Variants in EPB41 observed in about 807,000 individuals in gnomAD.
EPB41 encodes protein 4.1.
Under a neutral mutation model 108.0 loss-of-function variants are expected in EPB41, and 65 were observed. The ratio of observed to expected loss-of-function variants is 0.60; its 90% confidence interval spans 0.49 to 0.74. The LOEUF (loss-of-function observed/expected upper bound fraction) is 0.74, where lower values mean the gene tolerates loss of function less well. Ranked by LOEUF, EPB41 falls within the 30% of genes least tolerant of loss-of-function variation. The pLI is 0.00. For synonymous variants in EPB41, 336 were observed against 358.9 expected (o/e 0.94, Z 0.72); for missense variants, 875 against 1,037.0 (o/e 0.84, Z 2.15).
chr1:29,102,450 CG>C (rs1001134166), intron 17 of EPB41, among the ~76,000 whole-genome samples: 18 of 152,042 alleles, frequency 1.2e-4, no homozygotes, highest in African/African-American at 4.3e-4. Context: ...ACAACCAAAA[CG>C]TATAGTGGCC....
chr1:28,890,990 C>T lies in EPB41; in HGVS notation c.-8+3780C>T, dbSNP rs183165081. 24 of 985,454 alleles carry T rather than the reference C, an allele frequency of 2.4e-5. No individual in the cohort carries two copies. In the Middle Eastern group the frequency reaches 1.6e-3, roughly 64 times the overall value. The allele number at this position is 985,454 out of a possible 1,614,324, so 61.0% of individuals were successfully genotyped here. A position where few individuals can be genotyped will look rare whatever the true frequency, so the allele number is the denominator to read the frequency against. The stretch of plus-strand genomic sequence containing the variant: ...AACTGGGGAACAAGCTGTGCTGCCT[C>T]TGTTGGGTGGCCCCTGGGGCCAGCA... On this transcript the variant is annotated intron_variant, in intron 1 of 16. Transcript: ENST00000347529.
Position 29,120,041 on chromosome 1 carries a change from A to T in EPB41, c.*3229A>T, listed in dbSNP as rs1671657865. On this transcript the variant is annotated 3_prime_UTR_variant, in exon 21 of 21. Coordinates refer to ENST00000343067, the MANE Select transcript of EPB41 (RefSeq NM_001376013.1). ...TTTTCAATAAACAACAACAAAAAGAACTCTCTCTGTGAGGATTGATCCACT... is the reference window on the plus strand; with the variant it reads ...TTTTCAATAAACAACAACAAAAAGATCTCTCTCTGTGAGGATTGATCCACT... 1 of 152,388 alleles carries T rather than the reference A, an allele frequency of 6.6e-6. No individual in the cohort carries two copies. The highest frequency in any genetic ancestry group is 1.5e-5 in the Non-Finnish European group (1 of 67,990). 9.4% of individuals were successfully genotyped at this position (152,388 alleles called of 1,614,324 possible).
chr1:29,082,674 C>G (rs1290437499), intron 16 of EPB41, among the ~76,000 whole-genome samples: 3 of 152,134 alleles, frequency 2.0e-5, no homozygotes, highest in Non-Finnish European at 4.4e-5. Flanking sequence ...CTTAGTATAA[C>G]CTTTAATATT....
intron 1 of EPB41, among the ~76,000 whole-genome samples, chr1:28,956,167 C>G (rs1169606708): frequency 6.6e-6 from 1 of 152,214 alleles, no homozygotes; most frequent in African/African-American, 2.4e-5. Context: ...TGAAGTCTTG[C>G]ATGTGTAAAA....
intron 1 of EPB41, among the ~76,000 whole-genome samples, chr1:28,907,029 C>T (rs1444746592): frequency 6.6e-6 from 1 of 151,562 alleles, no homozygotes; most frequent in East Asian, 1.9e-4. Flanking sequence ...CCTCTGCCTC[C>T]CAAAGTGCTG....
intron 17 of EPB41, among the ~76,000 whole-genome samples, chr1:29,108,273 C>T (rs1437511818): frequency 1.3e-5 from 2 of 151,168 alleles, no homozygotes; most frequent in Admixed American, 6.6e-5. Flanking sequence ...CTTAGACTCC[C>T]GAGTAGCTGG....
At chr1:28,975,961 AG>A (rs2095598887) in intron 1 of EPB41, among the ~76,000 whole-genome samples, 1 of 144,106 alleles carries the variant, frequency 6.9e-6, no homozygotes, top group South Asian at 2.3e-4. Flanking sequence ...AAAAAAAAAA[AG>A]AAAGAAAGAA....
chr1:28,904,882 T>A (rs928622952), intron 1 of EPB41, among the ~76,000 whole-genome samples: 3 of 151,618 alleles, frequency 2.0e-5, no homozygotes, highest in African/African-American at 7.3e-5. Flanking sequence ...TACAAAAAAA[T>A]TAGCTGGGCA....
At chr1:28,959,212 CTTTTTT>C (rs34502231) in intron 1 of EPB41, among the ~76,000 whole-genome samples, 19 of 97,934 alleles carry the variant, frequency 1.9e-4, no homozygotes, top group Admixed American at 1.7e-3. Context: ...AAAGTTTGAT[CTTTTTT>C]TTTTTTTTTT....
chr1:29,027,446 C>G (rs2096734969), intron 7 of EPB41, among the ~76,000 whole-genome samples: 1 of 151,832 alleles, frequency 6.6e-6, no homozygotes, highest in Non-Finnish European at 1.5e-5. Flanking sequence ...ATTCTCCTGC[C>G]TCAGCCTCCC....
chr1:29,065,246 A>C, intron 16 of EPB41, 88 bp downstream of exon 16: 1 of 1,439,378 alleles, frequency 6.9e-7, no homozygotes, highest in Non-Finnish European at 9.1e-7. Context: ...GAGAAAGCTT[A>C]GAGCTGAAAT....
intron 16 of EPB41, among the ~76,000 whole-genome samples, chr1:29,093,670 G>A (rs1558292701): frequency 6.6e-6 from 1 of 152,166 alleles, no homozygotes. Context: ...ACTTTGGGAG[G>A]CCGAGGTGGG....
At chr1:28,954,260 A>T (rs918936333) in intron 1 of EPB41, among the ~76,000 whole-genome samples, 1 of 152,218 alleles carries the variant, frequency 6.6e-6, no homozygotes, top group East Asian at 1.9e-4. Context: ...TGTGCTATTT[A>T]TCATTGTTGT....
At chr1:29,071,252 G>A (rs1415140689) in intron 16 of EPB41, 2 of 152,164 alleles carry the variant, frequency 1.3e-5, no homozygotes, top group Non-Finnish European at 2.9e-5. Context: ...CCTGCCTGGT[G>A]TATAGAAGAG....
At chr1:29,088,046 TTTTTTTC>T (rs1468459602) in intron 16 of EPB41, among the ~76,000 whole-genome samples, 67 of 140,708 alleles carry the variant, frequency 4.8e-4, no homozygotes, top group Admixed American at 9.8e-4. Context: ...TCTTTTTTTC[TTTTTTTC>T]TTTTTTTTTT....
At chr1:29,046,491 TA>T (rs1458385663) in intron 11 of EPB41, among the ~76,000 whole-genome samples, 3 of 152,242 alleles carry the variant, frequency 2.0e-5, no homozygotes, top group South Asian at 2.1e-4. Flanking sequence ...CATTATTGTG[TA>T]CTCAACATCA....
intron 1 of EPB41, among the ~76,000 whole-genome samples, chr1:28,931,761 C>A (rs2093760472): frequency 6.6e-6 from 1 of 151,952 alleles, no homozygotes; most frequent in Non-Finnish European, 1.5e-5. Flanking sequence ...GTCTCGATCT[C>A]CTGACCTCAT....
At position 28,987,832 on chromosome 1, in the gene EPB41, T is replaced by C. The variant is rs2095902466; in HGVS notation, c.395T>C (p.Ile132Thr). The change falls in exon 2 of 21, where the codon ATT (isoleucine) becomes ACT (threonine). Residue 132 changes from isoleucine to threonine, a missense_variant. Ile to Thr is a moderately conservative substitution (Grantham distance 89). Coordinates refer to ENST00000343067, the MANE Select transcript of EPB41 (RefSeq NM_001376013.1). Reference sequence around the variant, plus strand: ...GAAGAGATCATTTTAAAGGCCCCAATTGCAGCTCCTGAACCGGAACTCAAA... The same window carrying C: ...GAAGAGATCATTTTAAAGGCCCCAACTGCAGCTCCTGAACCGGAACTCAAA... ...LDEEIILKAP[I>T]AAPEPELKTD... is the part of the protein sequence containing the mutation. The C allele has an allele frequency of 6.2e-7, 1 of 1,614,150 alleles. No individual in the cohort carries two copies. Among genetic ancestry groups the C allele is most frequent in the South Asian group, 1.1e-5 (1 of 91,088 alleles).
chr1:29,047,269 T>TTTTTTTTTTTG (rs1643527445), intron 11 of EPB41, among the ~76,000 whole-genome samples: 1 of 148,348 alleles, frequency 6.7e-6, no homozygotes, highest in African/African-American at 2.5e-5. Context: ...TTTTTTTTTT[T>TTTTTTTTTTTG]GGAGAGAGAG....
Sources: allele counts gnomAD v4.1 joint callset (sites outside exome capture counted in the v4.1 genomes callset), GRCh38; gene constraint gnomAD v4.1.1; transcripts MANE v1.5; gene names NCBI Gene and HGNC (gene_info 2026-07-23, HGNC 2026-07-21).